Variants in RPS6KC1 observed in about 807,000 individuals in gnomAD.
RPS6KC1 encodes the protein ribosomal protein S6 kinase C1, also known as inactive ribosomal protein S6 kinase delta-1.
Under a neutral mutation model 103.8 loss-of-function variants are expected in RPS6KC1, and 54 were observed. The observed-to-expected ratio is 0.52, with a 90% CI of 0.42 to 0.65. The LOEUF (loss-of-function observed/expected upper bound fraction) is 0.65. RPS6KC1 is among the 30% of genes least tolerant of loss of function. The probability of loss-of-function intolerance (pLI) is 0.00; values close to 1 mark genes in which losing one functional copy is unlikely to be tolerated. For missense variants in RPS6KC1, 1,151 were observed against 1,253.8 expected, an observed-to-expected ratio of 0.92 and a Z score of 1.24; for synonymous variants, 439 against 438.7, an observed-to-expected ratio of 1.00 and a Z score of -0.01.
chr1:213,313,813 T>G, the RPS6KC1 span, among the ~76,000 whole-genome samples: 1 of 151,814 alleles, frequency 6.6e-6, no homozygotes, highest in African/African-American at 2.4e-5. Flanking sequence ...ATTAGCCGGG[T>G]GTGGTGGCGG....
At chr1:213,453,422 C>G in the RPS6KC1 span, among the ~76,000 whole-genome samples, 15 of 151,978 alleles carry the variant, frequency 9.9e-5, no homozygotes, top group African/African-American at 3.4e-4. Context: ...ATGGAGACTT[C>G]TTGGGGGCAC....
the RPS6KC1 span, among the ~76,000 whole-genome samples, chr1:213,719,227 T>G: frequency 6.6e-6 from 1 of 152,240 alleles, no homozygotes; most frequent in Admixed American, 6.5e-5. Context: ...ATGAAACGTG[T>G]GATTTCTTAT....
At chr1:213,327,425 C>T in the RPS6KC1 span, among the ~76,000 whole-genome samples, 2 of 152,228 alleles carry the variant, frequency 1.3e-5, no homozygotes, top group African/African-American at 4.8e-5. Flanking sequence ...TCTCTTTTCT[C>T]TGGCACTTTG....
chr1:213,111,033 A>G (rs948031752), intron 4 of RPS6KC1, among the ~76,000 whole-genome samples: 1 of 151,564 alleles, frequency 6.6e-6, no homozygotes, highest in Non-Finnish European at 1.5e-5. Flanking sequence ...CCTTGCCCTT[A>G]TATAATTACT....
the RPS6KC1 span, among the ~76,000 whole-genome samples, chr1:213,433,064 C>T: frequency 6.6e-6 from 1 of 152,158 alleles, no homozygotes; most frequent in Non-Finnish European, 1.5e-5. Context: ...TCTCACTGGC[C>T]TAAGATCAAG....
At chr1:213,089,564 C>T (rs1418696019) in intron 3 of RPS6KC1, among the ~76,000 whole-genome samples, 3 of 151,938 alleles carry the variant, frequency 2.0e-5, no homozygotes, top group African/African-American at 4.8e-5. Context: ...CAGGTTCAAG[C>T]GGTTCTCCTG....
chr1:213,418,520 T>C, the RPS6KC1 span, among the ~76,000 whole-genome samples: 2 of 152,176 alleles, frequency 1.3e-5, no homozygotes, highest in African/African-American at 4.8e-5. Flanking sequence ...GCTCTCATTT[T>C]CAAGTCGTTG....
chr1:213,184,554 TCTTA>T (rs1008274681), intron 8 of RPS6KC1, among the ~76,000 whole-genome samples: 2 of 152,082 alleles, frequency 1.3e-5, no homozygotes, highest in African/African-American at 2.4e-5. Flanking sequence ...TTTGGTTTGT[TCTTA>T]CTTTCTAGAT....
At chr1:213,333,503 G>A in the RPS6KC1 span, among the ~76,000 whole-genome samples, 1 of 152,160 alleles carries the variant, frequency 6.6e-6, no homozygotes, top group Non-Finnish European at 1.5e-5. Flanking sequence ...CAGCTGTGTG[G>A]AATTGTCTTG....
chr1:213,140,828 A>G (rs1283670383), intron 6 of RPS6KC1, among the ~76,000 whole-genome samples: 1 of 146,834 alleles, frequency 6.8e-6, no homozygotes, highest in East Asian at 2.0e-4. Flanking sequence ...GCCTCATAGA[A>G]TGAGGGAGGA....
At chr1:213,766,862 C>G in the RPS6KC1 span, among the ~76,000 whole-genome samples, 2 of 152,144 alleles carry the variant, frequency 1.3e-5, no homozygotes, top group African/African-American at 2.4e-5. Flanking sequence ...ATGGCTTTCT[C>G]TGTCACCTCC....
At chr1:213,712,929 G>A in the RPS6KC1 span, among the ~76,000 whole-genome samples, 2 of 152,136 alleles carry the variant, frequency 1.3e-5, no homozygotes, top group East Asian at 3.8e-4. Flanking sequence ...GTCTCGCTGG[G>A]AGCTGCAGAC....
chr1:213,401,759 T>C, the RPS6KC1 span, among the ~76,000 whole-genome samples: 1 of 151,834 alleles, frequency 6.6e-6, no homozygotes, highest in African/African-American at 2.4e-5. Context: ...TTCTTGAGTG[T>C]ATTTTTTATT....
chr1:213,368,371 G>C, the RPS6KC1 span, among the ~76,000 whole-genome samples: 1 of 152,286 alleles, frequency 6.6e-6, no homozygotes, highest in South Asian at 2.1e-4. Flanking sequence ...CTAACTCTGG[G>C]CTTCTTTTAC....
At chr1:213,723,044 G>A in the RPS6KC1 span, among the ~76,000 whole-genome samples, 2 of 152,254 alleles carry the variant, frequency 1.3e-5, no homozygotes, top group Non-Finnish European at 2.9e-5. Flanking sequence ...GCCAGGCATG[G>A]TGGCAGGTGC....
At chr1:213,566,706 CTGCTATAACTA>C in the RPS6KC1 span, among the ~76,000 whole-genome samples, 335 of 151,814 alleles carry the variant, frequency 2.2e-3, 1 homozygote, top group African/African-American at 7.4e-3. Context: ...TATGTCTAGC[CTGCTATAACTA>C]TGCTATAACT....
chr1:213,739,497 AAAG>A, the RPS6KC1 span, among the ~76,000 whole-genome samples: 1 of 152,190 alleles, frequency 6.6e-6, no homozygotes, highest in South Asian at 2.1e-4. Context: ...AGAACTTATC[AAAG>A]AATTAATACA....
intron 8 of RPS6KC1, among the ~76,000 whole-genome samples, chr1:213,226,588 T>C (rs2093968454): frequency 1.3e-5 from 2 of 152,216 alleles, no homozygotes; most frequent in African/African-American, 4.8e-5. Flanking sequence ...GAAAGGCTTA[T>C]ATATGTCACC....
At chr1:213,854,905 G>C in the RPS6KC1 span, among the ~76,000 whole-genome samples, 5 of 152,206 alleles carry the variant, frequency 3.3e-5, no homozygotes, top group East Asian at 9.6e-4. Flanking sequence ...AATCTGTGTG[G>C]CTTAGCCACA....
Sources: gnomAD v4.1 joint callset for allele counts (sites outside exome capture counted in the v4.1 genomes callset) on GRCh38, gnomAD v4.1.1 for gene constraint, MANE v1.5 for transcripts, NCBI Gene and HGNC (gene_info 2026-07-23, HGNC 2026-07-21) for gene names.